The following PLEKHA4 variants were observed in gnomAD, a reference collection of about 807,000 sequenced individuals.
PLEKHA4 encodes the protein pleckstrin homology domain-containing family A member 4.
Under a neutral mutation model 94.7 loss-of-function variants are expected in PLEKHA4, and 73 were observed. The ratio of observed to expected loss-of-function variants is 0.77; its 90% CI spans 0.64 to 0.94. The LOEUF (loss-of-function observed/expected upper bound fraction) is 0.94. Among genes scored for constraint, PLEKHA4 ranks in the 40% least tolerant of loss-of-function variants. The pLI is 0.00. For missense variants in PLEKHA4, 1,049 were observed against 1,054.1 expected (o/e 1.00, Z 0.07); for synonymous variants, 449 against 437.1 (o/e 1.03, Z -0.34).
chr19:48,864,829 C>G (rs1205279259), intron 3 of PLEKHA4, among the ~76,000 whole-genome samples: 2 of 152,166 alleles, frequency 1.3e-5, no homozygotes, highest in African/African-American at 4.8e-5. Flanking sequence ...TCTTGGCCTC[C>G]CAAAATGCTG....
intron 16 of PLEKHA4, 76 bp downstream of exon 16, chr19:48,845,294 C>T: frequency 7.1e-7 from 1 of 1,414,718 alleles, no homozygotes; most frequent in Non-Finnish European, 1.0e-6. Flanking sequence ...GAACGCTCTA[C>T]TCCTAGCTGT....
intron 9 of PLEKHA4, among the ~76,000 whole-genome samples, chr19:48,855,710 G>T (rs1368358516): frequency 6.6e-6 from 1 of 151,752 alleles, no homozygotes; most frequent in Admixed American, 6.6e-5. Context: ...TATCGCTTGG[G>T]CCCAGGAGAC....
intron 5 of PLEKHA4, among the ~76,000 whole-genome samples, chr19:48,861,141 G>A (rs1431102655): frequency 5.9e-5 from 9 of 151,944 alleles, no homozygotes; most frequent in Non-Finnish European, 1.2e-4. Flanking sequence ...CCAGGAGGCG[G>A]AGGTTGCAGT....
Position 48,859,090 on chromosome 19 carries a change from G to A in PLEKHA4, c.742C>T (p.Pro248Ser). Reference protein sequence around the residue: ...RPPSPLSLPRPRSAPARRPPA... With the variant: ...RPPSPLSLPRSRSAPARRPPA... Reference sequence around the variant, plus strand: ...GGTCGCCGCGCAGGGGCAGAACGGGGACGGGGGAGGCTCAGAGGCGAGGGA... The same window carrying A: ...GGTCGCCGCGCAGGGGCAGAACGGGAACGGGGGAGGCTCAGAGGCGAGGGA... Residue 248 changes from proline to serine, a missense_variant, in exon 8 of 20, where the codon CCC becomes TCC. Transcript: ENST00000263265. 7.1e-7 allele frequency: 1 copy of A among 1,410,818 alleles called. No homozygotes were observed. 87.4% of individuals were successfully genotyped at this position (1,410,818 alleles called of 1,614,324 possible). A position where few individuals can be genotyped will look rare whatever the true frequency, so the allele number is the denominator to read the frequency against.
Position 48,859,568 on chromosome 19 carries a change from G to A in PLEKHA4, c.593C>T (p.Thr198Ile). ...TCTACCACGACCTCTGGAGAGTCGAGTCACTTCCGGTGATTCTGAGATGCG... is the reference window on the plus strand; with the variant it reads ...TCTACCACGACCTCTGGAGAGTCGAATCACTTCCGGTGATTCTGAGATGCG... ...EGRISESPEV[T>I]RLSRGRGRPR... The change falls in exon 7 of 20, where the codon ACT becomes ATT. Residue 198 changes from threonine (T) to isoleucine (I), a missense_variant. Coordinates refer to ENST00000263265, the MANE Select transcript of PLEKHA4 (RefSeq NM_020904.3). 2 of 1,613,986 alleles carry A rather than the reference G, an allele frequency of 1.2e-6. No individual in the cohort carries two copies. The highest frequency in any genetic ancestry group is 1.7e-6 in the Non-Finnish European group (2 of 1,180,016).
intron 3 of PLEKHA4, 70 bp downstream of exon 3, chr19:48,865,433 G>C: frequency 8.6e-7 from 1 of 1,168,034 alleles, no homozygotes; most frequent in Non-Finnish European, 1.3e-6. Flanking sequence ...TTGGGGACTT[G>C]CAAGGAGAGA....
At chr19:48,858,504 G>A (rs934788341) in intron 8 of PLEKHA4, among the ~76,000 whole-genome samples, 6 of 151,728 alleles carry the variant, frequency 4.0e-5, no homozygotes, top group African/African-American at 1.5e-4. Flanking sequence ...GCAGGTGCCT[G>A]TAATCCTAGC....
intron 13 of PLEKHA4, 22 bp from the exon 14 acceptor site, chr19:48,848,062 G>A (rs1349606800): frequency 1.2e-6 from 2 of 1,611,786 alleles, no homozygotes; most frequent in East Asian, 2.2e-5. Flanking sequence ...AAAGGAATTT[G>A]TTACTTAAAG....
chr19:48,852,875 G>C (rs2123037350), intron 12 of PLEKHA4, among the ~76,000 whole-genome samples: 2 of 152,150 alleles, frequency 1.3e-5, no homozygotes, highest in East Asian at 3.9e-4. Context: ...AGAAGTTGCA[G>C]TGAGCCTGGA....
Position 48,861,503 on chromosome 19 carries a change from T to C in PLEKHA4, c.266-2A>G, listed in dbSNP as rs1249073307. 6.2e-7 allele frequency: 1 copy of C among 1,613,920 alleles called. No individual in the cohort carries two copies. Among genetic ancestry groups the C allele is most frequent in the Non-Finnish European group, 8.5e-7 (1 of 1,179,870 alleles). ...CTAGGACACTCTCCTCGCGGCTGTC[T>C]GCAAAGAGGGGCTGGGGTCAAGGAT... On this transcript the variant is annotated splice_acceptor_variant, in intron 4 of 19. Transcript: ENST00000263265. LOFTEE classifies it high-confidence loss of function.
At chr19:48,838,905 C>T (rs1409209741) in intron 18 of PLEKHA4, among the ~76,000 whole-genome samples, 3 of 152,076 alleles carry the variant, frequency 2.0e-5, no homozygotes, top group African/African-American at 7.2e-5. Context: ...AACATGGCAC[C>T]GCCCTCATAC....
intron 14 of PLEKHA4, among the ~76,000 whole-genome samples, chr19:48,846,010 CAAAAA>C (rs1159060833): frequency 1.4e-5 from 1 of 71,266 alleles, no homozygotes; most frequent in Admixed American, 1.7e-4. Context: ...GACTCTGCCT[CAAAAA>C]AAAAAAAAAA....
At chr19:48,856,233 G>C (rs1390186916) in intron 9 of PLEKHA4, among the ~76,000 whole-genome samples, 4 of 145,992 alleles carry the variant, frequency 2.7e-5, no homozygotes, top group Admixed American at 1.4e-4. Context: ...AAAAGGAAAG[G>C]AAAGGAAAGA....
Position 48,854,247 on chromosome 19 carries a change from C to G in PLEKHA4, c.1065G>C (p.Glu355Asp), listed in dbSNP as rs549898741. ...TCTCCAAGCTTTGGTGGAAAGTTGA[C>G]TCCAGGGGAGGACCCGGCTGAAGAG... ...SMVLLPGPPLESTFHQSLETD... is the reference protein window; with the variant it reads ...SMVLLPGPPLDSTFHQSLETD... Residue 355 changes from glutamate to aspartate, a missense_variant, in exon 10 of 20, where the codon GAG (glutamate) becomes GAC (aspartate). By Grantham distance (45) the Glu-to-Asp change is conservative. Coordinates refer to ENST00000263265, the MANE Select transcript of PLEKHA4 (RefSeq NM_020904.3). The G allele has an allele frequency of 6.2e-7, 1 of 1,614,138 alleles. No homozygotes were observed. The highest frequency in any genetic ancestry group is 8.5e-7 in the Non-Finnish European group (1 of 1,180,000).
chr19:48,837,659 C>CCAT lies in PLEKHA4; in HGVS notation c.2078-111_2078-109dup, dbSNP rs1269756348. On this transcript the variant is annotated intron_variant, in intron 19 of 19. Coordinates refer to ENST00000263265, the MANE Select transcript of PLEKHA4 (RefSeq NM_020904.3). The surrounding 1 kb of genome is among the most constrained non-coding windows in gnomAD (Gnocchi z 4.3). Reference sequence around the variant, plus strand: ...GGACTCCGGATTCCCAGCCCCTCCTCCATCAGACCCAGGAGTCCAGGCCCC... The same window carrying CCAT: ...GGACTCCGGATTCCCAGCCCCTCCTCCATCATCAGACCCAGGAGTCCAGGCCCC... 36 of 1,365,956 alleles carry CCAT rather than the reference C, an allele frequency of 2.6e-5. No individual in the cohort carries two copies. The highest frequency in any genetic ancestry group is 2.9e-5 in the Non-Finnish European group (29 of 985,608). 84.6% of individuals were successfully genotyped at this position (1,365,956 alleles called of 1,614,324 possible).
chr19:48,863,432 G>GTTTT (rs113645066), intron 3 of PLEKHA4, among the ~76,000 whole-genome samples: 10,688 of 104,590 alleles, frequency 0.1, 1,028 homozygotes, highest in Non-Finnish European at 0.16. Flanking sequence ...TAGGTTTTTT[G>GTTTT]TTTTTTTTTT....
At chr19:48,858,333 A>G (rs1262323086) in intron 8 of PLEKHA4, among the ~76,000 whole-genome samples, 1 of 152,144 alleles carries the variant, frequency 6.6e-6, no homozygotes, top group East Asian at 1.9e-4. Context: ...TTAAAGAGCA[A>G]TGGCTGGGCC....
chr19:48,844,436 C>T (rs1362902874), intron 16 of PLEKHA4: 11 of 984,624 alleles, frequency 1.1e-5, no homozygotes, highest in Admixed American at 6.2e-5. Flanking sequence ...ATTACAGGTA[C>T]GAGCCACGGT....
intron 8 of PLEKHA4, 84 bp from the exon 9 acceptor site, chr19:48,857,580 T>C (rs1034045702): frequency 5.5e-5 from 43 of 785,130 alleles, no homozygotes; most frequent in African/African-American, 8.8e-5. Flanking sequence ...AGAAAAATTC[T>C]TCTGCCTTGG....
Sources: allele counts gnomAD v4.1 joint callset (sites outside exome capture counted in the v4.1 genomes callset), GRCh38; gene constraint gnomAD v4.1.1; non-coding constraint Gnocchi (gnomAD v3.1); transcripts MANE v1.5; gene names NCBI Gene and HGNC (gene_info 2026-07-23, HGNC 2026-07-21).